Variants in TFCP2 observed in about 807,000 individuals in gnomAD.
The protein encoded by TFCP2 is alpha-globin transcription factor CP2.
Under a neutral mutation model 73.4 loss-of-function variants are expected in TFCP2, and 33 were observed. That is an observed-to-expected ratio of 0.45 (90% CI 0.34 to 0.60). The LOEUF is 0.60. Ranked by LOEUF, TFCP2 falls within the 20% of genes least tolerant of loss-of-function variation. TFCP2 has a pLI of 0.01. For missense variants in TFCP2, 352 were observed against 604.0 expected, an observed-to-expected ratio of 0.58 and a Z score of 4.37; for synonymous variants, 193 against 211.6, an observed-to-expected ratio of 0.91 and a Z score of 0.76.
chr12:51,098,653 G>A, intron 13 of TFCP2, 123 bp downstream of exon 13: 1 of 1,177,096 alleles, frequency 8.5e-7, no homozygotes, highest in Non-Finnish European at 1.2e-6. Context: ...AGGAAAGCAA[G>A]CAAAAAAGTA....
intron 1 of TFCP2, among the ~76,000 whole-genome samples, chr12:51,142,849 C>T (rs1941220538): frequency 6.6e-6 from 1 of 152,146 alleles, no homozygotes; most frequent in Admixed American, 6.6e-5. Flanking sequence ...TACAACACAC[C>T]ATGGCAAGTA....
At chr12:51,145,567 C>CAAAA (rs59778550) in intron 1 of TFCP2, among the ~76,000 whole-genome samples, 1 of 49,152 alleles carries the variant, frequency 2.0e-5, no homozygotes, top group Admixed American at 3.7e-4. Flanking sequence ...AAGACTATCT[C>CAAAA]AAAAAAAAAA....
intron 1 of TFCP2, among the ~76,000 whole-genome samples, chr12:51,140,625 C>A (rs1941171979): frequency 6.6e-6 from 1 of 151,314 alleles, no homozygotes; most frequent in Non-Finnish European, 1.5e-5. Context: ...CAGGGTCTTA[C>A]ACTGTCACCC....
chr12:51,101,136 TA>T (rs1940101378), intron 11 of TFCP2, among the ~76,000 whole-genome samples: 1 of 151,934 alleles, frequency 6.6e-6, no homozygotes, highest in Admixed American at 6.6e-5. Context: ...ACCCTGTCTC[TA>T]CTAAAAAAAT....
At chr12:51,170,343 C>CTTTTTTT (rs4026184) in intron 1 of TFCP2, among the ~76,000 whole-genome samples, 78 of 147,162 alleles carry the variant, frequency 5.3e-4, no homozygotes, top group Non-Finnish European at 7.3e-4. Flanking sequence ...TAAAATCTTT[C>CTTTTTTT]TTTTTTTTTA....
At chr12:51,119,063 A>C (rs2136984910) in intron 1 of TFCP2, among the ~76,000 whole-genome samples, 1 of 152,342 alleles carries the variant, frequency 6.6e-6, no homozygotes. Context: ...CAGAGTTCTA[A>C]AATGTATAAA....
chr12:51,115,495 T>TA (rs1357605461), intron 4 of TFCP2, among the ~76,000 whole-genome samples: 47 of 152,102 alleles, frequency 3.1e-4, no homozygotes, highest in African/African-American at 8.9e-4. Context: ...TAGTGGTTTC[T>TA]AAAAAAAATC....
intron 1 of TFCP2, among the ~76,000 whole-genome samples, chr12:51,139,236 A>C (rs1237032251): frequency 6.6e-6 from 1 of 152,126 alleles, no homozygotes; most frequent in Non-Finnish European, 1.5e-5. Context: ...CTGTTTATAA[A>C]GCTTCAGTGG....
intron 11 of TFCP2, among the ~76,000 whole-genome samples, chr12:51,100,054 T>C (rs1327626288): frequency 6.6e-6 from 1 of 152,188 alleles, no homozygotes; most frequent in Non-Finnish European, 1.5e-5. Flanking sequence ...TAGGCCTGCA[T>C]TCTCACATGA....
At chr12:51,109,429 T>A (rs1940338867) in intron 5 of TFCP2, among the ~76,000 whole-genome samples, 156 bp from the exon 6 acceptor site, 2 of 152,134 alleles carry the variant, frequency 1.3e-5, no homozygotes, top group South Asian at 4.1e-4. Flanking sequence ...GAACTTACAA[T>A]CTGATAGAGG....
chr12:51,142,348 C>T (rs1566222662), intron 1 of TFCP2, among the ~76,000 whole-genome samples: 1 of 152,000 alleles, frequency 6.6e-6, no homozygotes, highest in South Asian at 2.1e-4. Context: ...TCTATGATCC[C>T]TGTGAAGATC....
At chr12:51,150,608 CAAAG>C (rs1349804988) in intron 1 of TFCP2, among the ~76,000 whole-genome samples, 1 of 151,584 alleles carries the variant, frequency 6.6e-6, no homozygotes, top group Non-Finnish European at 1.5e-5. Flanking sequence ...AACTCTGAGA[CAAAG>C]AGAGAAGATT....
chr12:51,108,617 T>C (rs570788259), intron 6 of TFCP2, among the ~76,000 whole-genome samples: 2 of 151,860 alleles, frequency 1.3e-5, no homozygotes, highest in South Asian at 2.1e-4. Flanking sequence ...CTATAAAAAA[T>C]ACAAAAATTA....
chr12:51,107,065 T>C lies in TFCP2; in HGVS notation c.828+171A>G, dbSNP rs1940265034. The C allele has an allele frequency of 7.7e-6, 5 of 648,306 alleles. No homozygotes were observed. The Admixed American group carries it at 1.2e-4, about 15-fold the overall frequency. 40.2% of individuals were successfully genotyped at this position (648,306 alleles called of 1,614,324 possible). A position where few individuals can be genotyped will look rare whatever the true frequency, so the allele number is the denominator to read the frequency against. On this transcript the variant is annotated intron_variant, in intron 7 of 14. Coordinates refer to ENST00000257915, the MANE Select transcript of TFCP2 (RefSeq NM_005653.5). Reference sequence around the variant, plus strand: ...CTTGGACACAGAGACAGTGGCATGGTTCGTGCCAAATTCTAAAGCAATCTT... The same window carrying C: ...CTTGGACACAGAGACAGTGGCATGGCTCGTGCCAAATTCTAAAGCAATCTT...
At chr12:51,169,486 G>A (rs1941817455) in intron 1 of TFCP2, among the ~76,000 whole-genome samples, 1 of 151,466 alleles carries the variant, frequency 6.6e-6, no homozygotes, top group Non-Finnish European at 1.5e-5. Context: ...GGGCAACAGA[G>A]CGAGACTCCA....
In TFCP2 at chr12:51,172,854, C is replaced by A. The variant is rs75532397; in HGVS notation, c.-432G>T. On this transcript the variant is annotated 5_prime_UTR_variant, in exon 1 of 15. Coordinates refer to ENST00000257915, the MANE Select transcript of TFCP2 (RefSeq NM_005653.5). ...TTCCCCCGCCCCTTTCTGCTGGAGG[C>A]CCCCTCCCTCCCAGGTCTCGCTCTC... is the stretch of plus-strand genomic sequence containing the variant. 2,504 of 174,964 alleles carry A rather than the reference C, an allele frequency of 0.014. 34 individuals are homozygous for A. Among genetic ancestry groups the A allele is most frequent in the Middle Eastern group, 0.052 (18 of 348 alleles). 10.8% of individuals were successfully genotyped at this position (174,964 alleles called of 1,614,324 possible). A position where few individuals can be genotyped will look rare whatever the true frequency, so the allele number is the denominator to read the frequency against.
rs144839794 is a variant in TFCP2, at chr12:51,105,794, G to C, written c.917+731C>G. ...TCCTTTAAAAAGTAGGTCAGACATA[G>C]AGCCTAAATAAATCCAAAACCACAA... On this transcript the variant is annotated intron_variant, in intron 8 of 14. Coordinates refer to ENST00000257915, the MANE Select transcript of TFCP2 (RefSeq NM_005653.5). Among the ~76,000 whole-genome samples, 18 of 152,210 alleles carry C rather than the reference G, an allele frequency of 1.2e-4. No individual in the cohort carries two copies. The East Asian group carries it at 3.5e-3, about 29-fold the overall frequency.
chr12:51,119,529 T>A (rs1050173296), intron 1 of TFCP2, among the ~76,000 whole-genome samples: 4 of 152,062 alleles, frequency 2.6e-5, no homozygotes, highest in African/African-American at 9.7e-5. Context: ...GGTGGGCGGA[T>A]CACCTGAGGT....
At position 51,134,708 on chromosome 12, in the gene TFCP2, T is replaced by C. The variant is rs566829109; in HGVS notation, c.123-15936A>G. Among the ~76,000 whole-genome samples, 21 of 152,376 alleles carry C rather than the reference T, an allele frequency of 1.4e-4. 1 individual carries two copies. The highest frequency in any genetic ancestry group is 1.9e-4 in the Non-Finnish European group (13 of 68,042). On this transcript the variant is annotated intron_variant, in intron 1 of 14. Coordinates refer to ENST00000257915, the MANE Select transcript of TFCP2 (RefSeq NM_005653.5). ...CCAATTAAATCAAGTTTATTTACAG[T>C]TCCTTTAACAGTATTTTAAAAACAA...
Sources: allele counts gnomAD v4.1 joint callset (sites outside exome capture counted in the v4.1 genomes callset), GRCh38; gene constraint gnomAD v4.1.1; transcripts MANE v1.5; gene names NCBI Gene and HGNC (gene_info 2026-07-23, HGNC 2026-07-21).